Variants in SENP6 observed in about 807,000 individuals in gnomAD.
SENP6 encodes SUMO specific peptidase 6.
In SENP6, 41 loss-of-function variants were observed where a neutral mutation model predicts 134.5. The ratio of observed to expected loss-of-function variants is 0.30; its 90% CI spans 0.24 to 0.40. SENP6 has a LOEUF of 0.40. Ranked by LOEUF, SENP6 falls within the 10% of genes least tolerant of loss-of-function variation. The probability of loss-of-function intolerance (pLI) is 1.00; values close to 1 mark genes in which losing one functional copy is unlikely to be tolerated. For missense variants in SENP6, 1,248 were observed against 1,312.5 expected, an observed-to-expected ratio of 0.95 and a Z score of 0.76; for synonymous variants, 395 against 429.8, an observed-to-expected ratio of 0.92 and a Z score of 1.00.
At chr6:75,649,957 G>A (rs1280036035) in intron 7 of SENP6, among the ~76,000 whole-genome samples, 2 of 152,130 alleles carry the variant, frequency 1.3e-5, no homozygotes, top group Admixed American at 6.6e-5. Context: ...TAAGAAATTG[G>A]TATAAGATTC....
At chr6:75,628,634 C>CT (rs1222283887) in intron 3 of SENP6, among the ~76,000 whole-genome samples, 3 of 152,116 alleles carry the variant, frequency 2.0e-5, no homozygotes, top group Non-Finnish European at 4.4e-5. Context: ...TCTTTTTAAA[C>CT]TTTTTTGTTA....
At chr6:75,686,574 C>T (rs1773857238) in intron 16 of SENP6, among the ~76,000 whole-genome samples, 1 of 152,152 alleles carries the variant, frequency 6.6e-6, no homozygotes, top group African/African-American at 2.4e-5. Flanking sequence ...TTCAGGAGCT[C>T]TTGCAAGGCA....
intron 11 of SENP6, among the ~76,000 whole-genome samples, chr6:75,671,668 G>A (rs1772687119): frequency 6.6e-6 from 1 of 152,196 alleles, no homozygotes; most frequent in Admixed American, 6.5e-5. Flanking sequence ...GTTGCAGTGA[G>A]CCGAGACGGC....
At chr6:75,607,631 TATAC>T (rs1406647645) in intron 1 of SENP6, among the ~76,000 whole-genome samples, 9 of 152,250 alleles carry the variant, frequency 5.9e-5, no homozygotes, top group South Asian at 2.1e-4. Flanking sequence ...TCCTTTCTAA[TATAC>T]ATATACTACT....
intron 6 of SENP6, among the ~76,000 whole-genome samples, chr6:75,642,538 G>T (rs958477829): frequency 6.6e-6 from 1 of 152,192 alleles, no homozygotes; most frequent in Non-Finnish European, 1.5e-5. Context: ...GAAAAAAGGG[G>T]CCACTAAGGC....
At chr6:75,704,250 T>A (rs182918771) in intron 19 of SENP6, among the ~76,000 whole-genome samples, 169 of 152,334 alleles carry the variant, frequency 1.1e-3, no homozygotes, top group African/African-American at 3.8e-3. Flanking sequence ...GAGTTCTCTC[T>A]GTTTTGGTTG....
Position 75,640,810 on chromosome 6 carries a change from T to A in SENP6, c.479+106T>A, listed in dbSNP as rs888323987. The A allele has an allele frequency of 4.8e-6, 3 of 631,482 alleles. No individual in the cohort carries two copies. The South Asian group carries it at 9.6e-5, about 20-fold the overall frequency. 39.1% of individuals were successfully genotyped at this position (631,482 alleles called of 1,614,324 possible). ...TTGAATTAGAGTTTATAATTAAAGC[T>A]TTTTTTAATTTTAAAGTTTTAGTTG... On this transcript the variant is annotated intron_variant, in intron 6 of 23. Transcript: ENST00000447266.
chr6:75,617,900 T>G (rs1294688569), intron 1 of SENP6, among the ~76,000 whole-genome samples: 3 of 152,218 alleles, frequency 2.0e-5, no homozygotes, highest in Non-Finnish European at 4.4e-5. Flanking sequence ...TTTTATACAG[T>G]GTCCCTCAGG....
At chr6:75,693,964 AC>A (rs1180539229) in intron 16 of SENP6, among the ~76,000 whole-genome samples, 5 of 152,110 alleles carry the variant, frequency 3.3e-5, no homozygotes, top group African/African-American at 1.2e-4. Flanking sequence ...GGCAATAAAA[AC>A]TTAGAACCAG....
intron 10 of SENP6, among the ~76,000 whole-genome samples, chr6:75,669,212 C>T (rs1000143230): frequency 2.0e-5 from 3 of 151,994 alleles, no homozygotes; most frequent in South Asian, 2.1e-4. Context: ...ATTAGCCAGG[C>T]GTGGTGGTGT....
chr6:75,663,615 A>G (rs1176259182), intron 9 of SENP6, 97 bp downstream of exon 9: 47 of 904,928 alleles, frequency 5.2e-5, no homozygotes, highest in Non-Finnish European at 7.5e-5. Flanking sequence ...TATATTTTTA[A>G]TATAAATGTG....
chr6:75,652,335 A>G (rs888725081), intron 7 of SENP6, among the ~76,000 whole-genome samples: 1 of 151,854 alleles, frequency 6.6e-6, no homozygotes, highest in Non-Finnish European at 1.5e-5. Context: ...CCAAGTTTCT[A>G]TAATCTTTTT....
intron 16 of SENP6, among the ~76,000 whole-genome samples, chr6:75,695,589 T>C (rs80096685): frequency 0.015 from 2,215 of 152,200 alleles, 19 homozygotes; most frequent in Non-Finnish European, 0.023. Flanking sequence ...ATAGAAAAAT[T>C]AGCTGGGCGT....
At chr6:75,663,718 G>A (rs1246049246) in intron 9 of SENP6, among the ~76,000 whole-genome samples, 200 bp downstream of exon 9, 1 of 147,790 alleles carries the variant, frequency 6.8e-6, no homozygotes, top group Non-Finnish European at 1.5e-5. Flanking sequence ...AGTCTTAGAT[G>A]AAGTGCTAGT....
chr6:75,652,309 C>A (rs1034524360), intron 7 of SENP6, among the ~76,000 whole-genome samples: 1 of 151,960 alleles, frequency 6.6e-6, no homozygotes, highest in Non-Finnish European at 1.5e-5. Flanking sequence ...CCACGCCCAG[C>A]TGCAAATTTT....
chr6:75,653,526 C>T (rs2149855381), intron 7 of SENP6, among the ~76,000 whole-genome samples: 1 of 152,202 alleles, frequency 6.6e-6, no homozygotes, highest in Middle Eastern at 3.4e-3. Flanking sequence ...TTTTATTTAA[C>T]AGCATTATTT....
At chr6:75,686,416 G>A (rs1474342476) in intron 16 of SENP6, among the ~76,000 whole-genome samples, 2 of 152,190 alleles carry the variant, frequency 1.3e-5, no homozygotes, top group Admixed American at 6.5e-5. Flanking sequence ...ACATTGTTAT[G>A]TGTGAATTTG....
At chr6:75,651,581 G>A (rs1000517895) in intron 7 of SENP6, among the ~76,000 whole-genome samples, 2 of 151,982 alleles carry the variant, frequency 1.3e-5, no homozygotes, top group African/African-American at 4.8e-5. Context: ...CAGGCTTCTG[G>A]GCTCCAGCGA....
intron 1 of SENP6, among the ~76,000 whole-genome samples, chr6:75,602,780 T>C (rs1766733384): frequency 6.6e-6 from 1 of 152,180 alleles, no homozygotes; most frequent in East Asian, 1.9e-4. Flanking sequence ...GCGAGCCGGT[T>C]CGGCCCAGGG....
Sources: allele counts gnomAD v4.1 joint callset (sites outside exome capture counted in the v4.1 genomes callset), GRCh38; gene constraint gnomAD v4.1.1; transcripts MANE v1.5; gene names NCBI Gene and HGNC (gene_info 2026-07-23, HGNC 2026-07-21).